Variants in ABL1 observed in about 807,000 individuals in gnomAD.
The protein encoded by ABL1 is tyrosine-protein kinase ABL1.
In ABL1, 11 loss-of-function variants were observed where a neutral mutation model predicts 94.7. That is an observed-to-expected ratio of 0.12 (90% CI 0.07 to 0.19). The LOEUF (loss-of-function observed/expected upper bound fraction) is 0.19. Ranked by LOEUF, ABL1 falls within the 10% of genes least tolerant of loss-of-function variation. The probability of loss-of-function intolerance (pLI) is 1.00; values close to 1 mark genes in which losing one functional copy is unlikely to be tolerated. For missense variants in ABL1, 1,082 were observed against 1,489.4 expected, an observed-to-expected ratio of 0.73 and a Z score of 4.50; for synonymous variants, 656 against 622.4, an observed-to-expected ratio of 1.05 and a Z score of -0.80.
chr9:130,845,320 C>T (rs1274909388), intron 1 of ABL1, among the ~76,000 whole-genome samples: 1 of 152,034 alleles, frequency 6.6e-6, no homozygotes, highest in Non-Finnish European at 1.5e-5. Flanking sequence ...ACTCCTATCC[C>T]CATCAACAGT....
intron 1 of ABL1, among the ~76,000 whole-genome samples, chr9:130,776,741 G>A (rs1829663864): frequency 6.6e-6 from 1 of 152,048 alleles, no homozygotes; most frequent in South Asian, 2.1e-4. Context: ...GTGCTGCTTA[G>A]AGGGGGCTCT....
rs1162889963 is a variant in ABL1 at position 130,863,386 on chromosome 9, A to C, written c.822+351A>C. Among the ~76,000 whole-genome samples, 1 of 151,782 alleles carries C rather than the reference A, an allele frequency of 6.6e-6. No individual in the cohort carries two copies. The highest frequency in any genetic ancestry group is 1.5e-5 in the Non-Finnish European group (1 of 67,950). On this transcript the variant is annotated intron_variant, in intron 4 of 10. Coordinates refer to ENST00000318560, the MANE Select transcript of ABL1 (RefSeq NM_005157.6). This position sits in a 1 kb window ranked among gnomAD's most constrained non-coding sequence, Gnocchi z 4.3. ...TGGAGATCACTTCCTACCGAGAGTT[A>C]AGGAGGAAAAAAAGATCTCTGAGTT...
Position 130,875,045 on chromosome 9 carries a change from C to T in ABL1, c.1263C>T (p.Asp421=), listed in dbSNP as rs781591331. The change falls in exon 7 of 11, where the codon GAC becomes GAT. Residue 421 remains aspartate, a synonymous_variant. Transcript: ENST00000318560. ...ACAACAAGTTCTCCATCAAGTCCGA[C>T]GTCTGGGGTAAGGGCTGCTGCTGCA... ...LAYNKFSIKS[D]VWAFGVLLWE... The T allele has an allele frequency of 4.3e-6, 7 of 1,613,990 alleles. No individual in the cohort carries two copies. The highest frequency in any genetic ancestry group is 2.2e-5 in the South Asian group (2 of 91,062).
chr9:130,714,363 C>G, exon 1 of ABL1: 1 of 1,613,464 alleles, frequency 6.2e-7, no homozygotes, highest in Non-Finnish European at 8.5e-7. Flanking sequence ...CAAAGAAGGC[C>G]AAGCTTGCCT....
At chr9:130,852,409 C>T (rs1245562744) in intron 1 of ABL1, among the ~76,000 whole-genome samples, 2 of 151,980 alleles carry the variant, frequency 1.3e-5, no homozygotes, top group African/African-American at 4.8e-5. Flanking sequence ...CACCGTGTTG[C>T]CCAGGTTGGT....
Position 130,872,319 on chromosome 9 carries a change from G to A in ABL1, c.907+106G>A. 2.9e-6 allele frequency: 3 copies of A among 1,040,520 alleles called. No homozygotes were observed. In the South Asian group the frequency reaches 4.3e-5, roughly 15 times the overall value. The allele number at this position is 1,040,520 out of a possible 1,614,324, so 64.5% of individuals were successfully genotyped here. ...CGGCTCACTGCACAAAACCTCGTTG[G>A]AATATTTGTGCTCTGCCGACGTTCA... On this transcript the variant is annotated intron_variant, in intron 5 of 10. Transcript: ENST00000318560. This position sits in a 1 kb window ranked among gnomAD's most constrained non-coding sequence, Gnocchi z 5.0.
chr9:130,772,738 G>T (rs867531421), intron 1 of ABL1, among the ~76,000 whole-genome samples: 2 of 152,192 alleles, frequency 1.3e-5, no homozygotes, highest in Non-Finnish European at 2.9e-5. Context: ...AGAGGAAAAC[G>T]CAGGGCACAG....
intron 3 of ABL1, among the ~76,000 whole-genome samples, chr9:130,856,617 C>T (rs1227898722): frequency 6.6e-6 from 1 of 152,234 alleles, no homozygotes; most frequent in Non-Finnish European, 1.5e-5. Context: ...TCCTAATTCA[C>T]TTTTCCTGCC....
chr9:130,883,671 G>T (rs1831506748), intron 10 of ABL1, among the ~76,000 whole-genome samples: 1 of 152,140 alleles, frequency 6.6e-6, no homozygotes, highest in Non-Finnish European at 1.5e-5. Context: ...CAAGCAAAGG[G>T]TCAAAACCTG....
At chr9:130,721,914 C>T (rs964964308) in intron 1 of ABL1, among the ~76,000 whole-genome samples, 3 of 150,818 alleles carry the variant, frequency 2.0e-5, no homozygotes, top group Non-Finnish European at 3.0e-5. Flanking sequence ...CTCCACCTCC[C>T]GAGTTCAAGC....
At chr9:130,813,482 A>G (rs980039385) in intron 1 of ABL1, among the ~76,000 whole-genome samples, 19 of 145,520 alleles carry the variant, frequency 1.3e-4, no homozygotes, top group African/African-American at 4.4e-4. Context: ...AATCACTTGA[A>G]CCCGGGAGGA....
chr9:130,829,335 C>T (rs1364635923), intron 1 of ABL1, among the ~76,000 whole-genome samples: 1 of 151,992 alleles, frequency 6.6e-6, no homozygotes, highest in East Asian at 1.9e-4. Context: ...CCGAGGCGGG[C>T]AGATCACGAG....
intron 1 of ABL1, among the ~76,000 whole-genome samples, chr9:130,750,169 C>A (rs1183473386): frequency 7.5e-6 from 1 of 133,530 alleles, no homozygotes; most frequent in Non-Finnish European, 1.6e-5. Flanking sequence ...CAACAGAGAC[C>A]CTGACTCAAG....
Position 130,886,175 on chromosome 9 carries a change from T to C in ABL1, c.*492T>C, listed in dbSNP as rs1831580171. The C allele has an allele frequency of 4.1e-6, 1 of 242,202 alleles. No individual in the cohort carries two copies. The highest frequency in any genetic ancestry group is 8.1e-6 in the Non-Finnish European group (1 of 123,560). 15.0% of individuals were successfully genotyped at this position (242,202 alleles called of 1,614,324 possible). ...CTCCCTGGCCTTGCCCGTCGTGTGC[T>C]GAAGACATGTTTCAAGAACCGCATT... is the stretch of plus-strand genomic sequence containing the variant. On this transcript the variant is annotated 3_prime_UTR_variant, in exon 11 of 11. Coordinates refer to ENST00000318560, the MANE Select transcript of ABL1 (RefSeq NM_005157.6).
intron 1 of ABL1, among the ~76,000 whole-genome samples, chr9:130,853,386 G>C (rs1457816103): frequency 1.3e-5 from 2 of 149,604 alleles, no homozygotes; most frequent in African/African-American, 4.9e-5. Context: ...GTGTTGGTCA[G>C]GTTGGTCTTG....
At chr9:130,879,527 C>T (rs960848444) in intron 8 of ABL1, among the ~76,000 whole-genome samples, 1 of 152,216 alleles carries the variant, frequency 6.6e-6, no homozygotes, top group African/African-American at 2.4e-5. Flanking sequence ...AAAAGTTGAA[C>T]TGTTGGTTCC....
intron 6 of ABL1, among the ~76,000 whole-genome samples, chr9:130,873,769 T>C (rs1428899647): frequency 6.6e-6 from 1 of 152,190 alleles, no homozygotes; most frequent in Non-Finnish European, 1.5e-5. Flanking sequence ...TTTGCTGGCG[T>C]CTTTTATACG....
chr9:130,802,036 A>G (rs1400530994), intron 1 of ABL1, among the ~76,000 whole-genome samples: 1 of 150,236 alleles, frequency 6.7e-6, no homozygotes, highest in African/African-American at 2.4e-5. Context: ...GTAGTTACCC[A>G]CTGGAACACG....
chr9:130,880,440 A>G lies in ABL1; in HGVS notation c.1514-60A>G. ...TACAAAGAAAGAGAACCACCACACC[A>G]AGCCAACACCAGTACTGATGGCTGC... On this transcript the variant is annotated intron_variant, in intron 9 of 10. Transcript: ENST00000318560. The surrounding 1 kb of genome is among the most constrained non-coding windows in gnomAD (Gnocchi z 4.4). 1 of 1,584,076 alleles carries G rather than the reference A, an allele frequency of 6.3e-7. No individual in the cohort carries two copies. The highest frequency in any genetic ancestry group is 1.1e-5 in the South Asian group (1 of 89,292).
Sources: allele counts gnomAD v4.1 joint callset (sites outside exome capture counted in the v4.1 genomes callset), GRCh38; gene constraint gnomAD v4.1.1; non-coding constraint Gnocchi (gnomAD v3.1); transcripts MANE v1.5; gene names NCBI Gene and HGNC (gene_info 2026-07-23, HGNC 2026-07-21).